The following ARMC8 variants were observed in gnomAD, a reference collection of about 807,000 sequenced individuals.
ARMC8 encodes the protein armadillo repeat-containing protein 8.
ARMC8 carries 20 observed loss-of-function variants against 99.3 expected under a neutral mutation model. The observed-to-expected ratio is 0.20, with a 90% CI of 0.14 to 0.29. The LOEUF (loss-of-function observed/expected upper bound fraction) is 0.29, where lower values mean the gene tolerates loss of function less well. ARMC8 is among the 10% of genes least tolerant of loss of function. ARMC8 has a pLI of 1.00. For missense variants in ARMC8, 569 were observed against 809.5 expected, an observed-to-expected ratio of 0.70 and a Z score of 3.60; for synonymous variants, 263 against 278.3, an observed-to-expected ratio of 0.95 and a Z score of 0.55.
intron 21 of ARMC8, 84 bp from the exon 22 acceptor site, chr3:138,295,775 C>G: frequency 6.7e-7 from 1 of 1,497,856 alleles, no homozygotes; most frequent in Non-Finnish European, 9.2e-7. Context: ...TTTAGACTTC[C>G]CCAGCTATCA....
At chr3:138,270,798 A>G (rs2048719129) in intron 16 of ARMC8, among the ~76,000 whole-genome samples, 1 of 152,160 alleles carries the variant, frequency 6.6e-6, no homozygotes. Flanking sequence ...TAAAACTTTG[A>G]GGTTAGAGAA....
At chr3:138,219,570 A>G (rs1457025559) in intron 2 of ARMC8, among the ~76,000 whole-genome samples, 1 of 152,250 alleles carries the variant, frequency 6.6e-6, no homozygotes, top group Non-Finnish European at 1.5e-5. Context: ...GAATGTTGTC[A>G]TCTGAAATTG....
At chr3:138,218,841 G>C (rs900027459) in intron 2 of ARMC8, among the ~76,000 whole-genome samples, 6 of 152,174 alleles carry the variant, frequency 3.9e-5, no homozygotes, top group Admixed American at 6.5e-5. Flanking sequence ...TTAAAAGTTA[G>C]TGGGCATGAG....
At chr3:138,275,558 CAA>C (rs1260591641) in intron 18 of ARMC8, among the ~76,000 whole-genome samples, 1 of 138,980 alleles carries the variant, frequency 7.2e-6, no homozygotes, top group Admixed American at 7.2e-5. Context: ...GACTCTGTCT[CAA>C]AAAAAAAAAA....
In ARMC8 at chr3:138,239,544, A is replaced by G. The variant is rs769939764; in HGVS notation, c.837+16A>G. 2.6e-6 allele frequency: 4 copies of G among 1,540,280 alleles called. No homozygotes were observed. The highest frequency in any genetic ancestry group is 1.8e-5 in the Admixed American group (1 of 54,512). ...TGTATTAAAGGTAAGCTAATTAATT[A>G]TCTTTAAAATGTGAAAATTATCCAG... On this transcript the variant is annotated intron_variant, in intron 10 of 21. Transcript: ENST00000469044.
In ARMC8 at chr3:138,280,168, T is replaced by C. The variant is rs368471796; in HGVS notation, c.1726-4263T>C. Among the ~76,000 whole-genome samples the C allele has an allele frequency of 8.8e-4, 134 of 152,228 alleles. 1 individual carries two copies. The highest frequency in any genetic ancestry group is 3.1e-3 in the African/African-American group (127 of 41,540). On this transcript the variant is annotated intron_variant, in intron 18 of 21. Transcript: ENST00000469044. The stretch of plus-strand genomic sequence containing the variant: ...ATCTGCCCACCTCGGCCTCCCAAAG[T>C]GCTGGGATTACAGACATGAGCCACT...
intron 2 of ARMC8, 70 bp downstream of exon 2, chr3:138,209,963 T>A: frequency 8.0e-7 from 1 of 1,242,976 alleles, no homozygotes; most frequent in Non-Finnish European, 1.2e-6. Context: ...CCACATATTT[T>A]AATTTTGAAA....
intron 6 of ARMC8, among the ~76,000 whole-genome samples, chr3:138,233,277 G>T (rs1307260842): frequency 6.6e-6 from 1 of 152,172 alleles, no homozygotes. Context: ...CCCTGAGAAT[G>T]TCAGTATTTT....
chr3:138,187,510 G>A lies in ARMC8; in HGVS notation c.-45G>A, dbSNP rs1276972286. The stretch of plus-strand genomic sequence containing the variant: ...CCAATAGTTGGCTGTCGAAAGTGCC[G>A]GCCCCCGCGCCGGCGCCTGCAGCAG... On this transcript the variant is annotated 5_prime_UTR_variant, in exon 1 of 22. Transcript: ENST00000469044. The A allele has an allele frequency of 2.0e-6, 3 of 1,534,396 alleles. No individual in the cohort carries two copies. The highest frequency in any genetic ancestry group is 1.4e-5 in the African/African-American group (1 of 73,012).
At chr3:138,235,210 TCAAAAG>T (rs2046265932) in intron 7 of ARMC8, 96 bp downstream of exon 7, 1 of 858,356 alleles carries the variant, frequency 1.2e-6, no homozygotes, top group African/African-American at 1.7e-5. Flanking sequence ...ATAATTGTGA[TCAAAAG>T]TAGTATTTTA....
intron 1 of ARMC8, among the ~76,000 whole-genome samples, chr3:138,205,160 C>T (rs1001200046): frequency 6.7e-6 from 1 of 149,936 alleles, no homozygotes; most frequent in Admixed American, 6.7e-5. Context: ...CCTCCACCTC[C>T]CTGGTTCAAG....
intron 21 of ARMC8, among the ~76,000 whole-genome samples, chr3:138,294,136 A>G (rs2051248849): frequency 6.6e-6 from 1 of 152,248 alleles, no homozygotes; most frequent in African/African-American, 2.4e-5. Flanking sequence ...TGGCAGATTT[A>G]AAGAGCAATA....
At chr3:138,225,570 G>C (rs1353129908) in intron 5 of ARMC8, among the ~76,000 whole-genome samples, 1 of 152,176 alleles carries the variant, frequency 6.6e-6, no homozygotes, top group Non-Finnish European at 1.5e-5. Context: ...ATGTCAGTTT[G>C]TGTATGTGTG....
intron 18 of ARMC8, among the ~76,000 whole-genome samples, chr3:138,278,397 G>A (rs6791368): frequency 0.059 from 9,036 of 151,926 alleles, 856 homozygotes; most frequent in African/African-American, 0.2. Context: ...CCAGCTACTC[G>A]GGAGGCTGAG....
chr3:138,226,918 G>A (rs1485700488), intron 5 of ARMC8, among the ~76,000 whole-genome samples: 1 of 152,208 alleles, frequency 6.6e-6, no homozygotes, highest in Non-Finnish European at 1.5e-5. Context: ...GCTATTTTAT[G>A]CCTCCGATAT....
rs780881530 is a variant in ARMC8 at position 138,223,491 on chromosome 3, G to A, written c.297G>A (p.Lys99=). The change falls in exon 4 of 22, where the codon AAG becomes AAA. Residue 99 remains lysine, a synonymous_variant. Coordinates refer to ENST00000469044, the MANE Select transcript of ARMC8 (RefSeq NM_001363941.2). Reference sequence around the variant, plus strand: ...CTATGGGTACTGAAAACAATGTCAAGTCTCTACTGGACTGCCATATTATCC... The same window carrying A: ...CTATGGGTACTGAAAACAATGTCAAATCTCTACTGGACTGCCATATTATCC... The part of the protein sequence containing the change: ...SLAMGTENNV[K]SLLDCHIIPA... 12 of 1,614,200 alleles carry A rather than the reference G, an allele frequency of 7.4e-6. No individual in the cohort carries two copies. Among genetic ancestry groups the A allele is most frequent in the Non-Finnish European group, 5.9e-6 (7 of 1,180,038 alleles).
intron 12 of ARMC8, among the ~76,000 whole-genome samples, chr3:138,255,758 T>C (rs925914073): frequency 1.3e-5 from 2 of 152,124 alleles, no homozygotes; most frequent in Non-Finnish European, 2.9e-5. Context: ...GGTGAATAGA[T>C]CCCTTGAGGT....
chr3:138,202,124 G>C (rs1024263854), intron 1 of ARMC8, among the ~76,000 whole-genome samples: 1 of 152,064 alleles, frequency 6.6e-6, no homozygotes, highest in Non-Finnish European at 1.5e-5. Context: ...CCCAAACCAG[G>C]ATTTTCTCTC....
intron 4 of ARMC8, 23 bp downstream of exon 4, chr3:138,223,554 CTCAAT>C: frequency 6.2e-7 from 1 of 1,613,844 alleles, no homozygotes; most frequent in Non-Finnish European, 8.5e-7. Flanking sequence ...GCCATTTTTG[CTCAAT>C]TAAGGTTAAG....
Sources: gnomAD v4.1 joint callset for allele counts (sites outside exome capture counted in the v4.1 genomes callset) on GRCh38, gnomAD v4.1.1 for gene constraint, MANE v1.5 for transcripts, NCBI Gene and HGNC (gene_info 2026-07-23, HGNC 2026-07-21) for gene names.